Variants in SLC6A11 observed in about 807,000 individuals in gnomAD.
SLC6A11 encodes solute carrier family 6 member 11, also known as sodium- and chloride-dependent GABA transporter 3.
In SLC6A11, 25 loss-of-function variants were observed where a neutral mutation model predicts 74.8. The ratio of observed to expected loss-of-function variants is 0.33; its 90% CI spans 0.24 to 0.47. SLC6A11 has a LOEUF of 0.47. Ranked by LOEUF, SLC6A11 falls within the 20% of genes least tolerant of loss-of-function variation. The probability of loss-of-function intolerance (pLI) is 1.00; values close to 1 mark genes in which losing one functional copy is unlikely to be tolerated. For synonymous variants in SLC6A11, 330 were observed against 330.2 expected, an observed-to-expected ratio of 1.00 and a Z score of 0.01; for missense variants, 574 against 837.0, an observed-to-expected ratio of 0.69 and a Z score of 3.88.
intron 4 of SLC6A11, chr3:10,824,805 G>C (rs1448747960): frequency 6.6e-6 from 1 of 152,214 alleles, no homozygotes; most frequent in Non-Finnish European, 1.5e-5. Context: ...TGAATGTCTA[G>C]TCTGTGCTTC....
At chr3:10,823,210 T>C in intron 3 of SLC6A11, 92 bp from the exon 4 acceptor site, 1 of 866,580 alleles carries the variant, frequency 1.2e-6, no homozygotes, top group Non-Finnish European at 1.9e-6. Flanking sequence ...TAGATGAAAA[T>C]GCCTAGTTGC....
chr3:10,844,701 GGT>G (rs1189192675), intron 5 of SLC6A11, among the ~76,000 whole-genome samples: 1 of 152,208 alleles, frequency 6.6e-6, no homozygotes, highest in Non-Finnish European at 1.5e-5. Context: ...CAGGGTTCTA[GGT>G]GTGTGTGAGG....
In SLC6A11 at chr3:10,912,117, T is replaced by A. The variant is rs1407655973; in HGVS notation, c.919T>A (p.Phe307Ile). ...QVWVDAGTQI[F>I]FSYAICLGCL... ...CTGGGTAGATGCTGGAACGCAGATC[T>A]TTTTCTCCTATGCCATTTGCCTGGG... The change falls in exon 7 of 14, where the codon TTT becomes ATT. Residue 307 changes from phenylalanine to isoleucine, a missense_variant. Phe to Ile is a conservative substitution (Grantham distance 21, BLOSUM62 0). This residue lies in a region of SLC6A11 where 215 missense variants were observed against 357.9 expected (regional missense o/e 0.60). Transcript: ENST00000254488. 6.2e-7 allele frequency: 1 copy of A among 1,613,554 alleles called. No individual in the cohort carries two copies. Among genetic ancestry groups the A allele is most frequent in the African/African-American group, 1.3e-5 (1 of 75,038 alleles).
chr3:10,892,090 A>AAGAG (rs1337111396), intron 6 of SLC6A11, among the ~76,000 whole-genome samples: 1 of 152,246 alleles, frequency 6.6e-6, no homozygotes, highest in Non-Finnish European at 1.5e-5. Context: ...ACAGCTTTGT[A>AAGAG]AGAGAGCAGG....
intron 4 of SLC6A11, among the ~76,000 whole-genome samples, chr3:10,830,450 T>A (rs1383812117): frequency 2.6e-5 from 4 of 152,228 alleles, no homozygotes; most frequent in South Asian, 4.1e-4. Context: ...GGTCTCATTG[T>A]AGGTTCTGGA....
intron 6 of SLC6A11, among the ~76,000 whole-genome samples, chr3:10,905,635 C>T (rs1049480162): frequency 5.9e-5 from 9 of 152,164 alleles, no homozygotes; most frequent in Non-Finnish European, 1.2e-4. Flanking sequence ...CCTTTCTAGA[C>T]TGAGAGGCAA....
intron 6 of SLC6A11, among the ~76,000 whole-genome samples, chr3:10,899,106 A>G (rs1418410527): frequency 2.0e-5 from 3 of 152,178 alleles, no homozygotes; most frequent in African/African-American, 7.2e-5. Flanking sequence ...ATTATCTCCC[A>G]CTGGTCCCTC....
At position 10,873,573 on chromosome 3, in the gene SLC6A11, C is replaced by T. The variant is rs1286369500; in HGVS notation, c.757-1388C>T. Among the ~76,000 whole-genome samples the T allele has an allele frequency of 1.8e-4, 20 of 113,346 alleles. No homozygotes were observed. The South Asian group carries it at 3.0e-3, about 17-fold the overall frequency. The allele number at this position is 113,346 out of a possible 152,430, so 74.4% of individuals were successfully genotyped here. ...TCCTACCCTACCCTACCCTACCCTA[C>T]CCTACCCTACGCTATCCTATCCTAT... On this transcript the variant is annotated intron_variant, in intron 5 of 13. Coordinates refer to ENST00000254488, the MANE Select transcript of SLC6A11 (RefSeq NM_014229.3).
chr3:10,888,857 G>C (rs555680714), intron 6 of SLC6A11, among the ~76,000 whole-genome samples: 2 of 152,296 alleles, frequency 1.3e-5, no homozygotes, highest in African/African-American at 2.4e-5. Flanking sequence ...AGTACCTACT[G>C]TATGCCAGGC....
chr3:10,912,042 C>A, intron 6 of SLC6A11, 48 bp from the exon 7 acceptor site: 1 of 1,276,610 alleles, frequency 7.8e-7, no homozygotes, highest in Non-Finnish European at 1.1e-6. Flanking sequence ...ACCCTCTCAC[C>A]ACACATCTGA....
rs189209434 is a variant in SLC6A11, at chr3:10,872,663, G to C, written c.757-2298G>C. The stretch of plus-strand genomic sequence containing the variant: ...CTTCCAGGACCTAGCTCAGTTCTTA[G>C]TACATGAGAGTGTTTGAGTGAGTGA... On this transcript the variant is annotated intron_variant, in intron 5 of 13. Coordinates refer to ENST00000254488, the MANE Select transcript of SLC6A11 (RefSeq NM_014229.3). Among the ~76,000 whole-genome samples the C allele has an allele frequency of 1.2e-4, 19 of 152,312 alleles. 1 individual carries two copies. The East Asian group carries it at 3.1e-3, about 25-fold the overall frequency.
At position 10,912,127 on chromosome 3, in the gene SLC6A11, A is replaced by G. The variant is rs747871056; in HGVS notation, c.929A>G (p.Tyr310Cys). Residue 310 changes from tyrosine to cysteine, a missense_variant, in exon 7 of 14, where the codon TAT becomes TGT. Coordinates refer to ENST00000254488, the MANE Select transcript of SLC6A11 (RefSeq NM_014229.3). ...GCTGGAACGCAGATCTTTTTCTCCTATGCCATTTGCCTGGGCTGTCTGACC... is the reference window on the plus strand; with the variant it reads ...GCTGGAACGCAGATCTTTTTCTCCTGTGCCATTTGCCTGGGCTGTCTGACC... ...VDAGTQIFFS[Y>C]AICLGCLTAL... 1.9e-6 allele frequency: 3 copies of G among 1,613,902 alleles called. No homozygotes were observed. Among genetic ancestry groups the G allele is most frequent in the South Asian group, 1.1e-5 (1 of 91,070 alleles).
intron 3 of SLC6A11, among the ~76,000 whole-genome samples, chr3:10,822,398 G>A (rs1694150497): frequency 6.6e-6 from 1 of 152,234 alleles, no homozygotes; most frequent in African/African-American, 2.4e-5. Context: ...CCGTGGCAAA[G>A]TAGATGGAGC....
chr3:10,924,406 G>A (rs1337915471), intron 8 of SLC6A11, among the ~76,000 whole-genome samples: 3 of 151,768 alleles, frequency 2.0e-5, no homozygotes, highest in African/African-American at 7.3e-5. Flanking sequence ...AAATCCTAAG[G>A]AACCTACAAA....
At position 10,926,481 on chromosome 3, in the gene SLC6A11, G is replaced by A. The variant is rs1695608631; in HGVS notation, c.1233+365G>A. ...GCACTGCCTGGCACAGCAGAAGAGA[G>A]TCTCAGAGAGTGAGTTCCACAGCAT... is the stretch of plus-strand genomic sequence containing the variant. On this transcript the variant is annotated intron_variant, in intron 9 of 13. Coordinates refer to ENST00000254488, the MANE Select transcript of SLC6A11 (RefSeq NM_014229.3). The surrounding 1 kb of genome is among the most constrained non-coding windows in gnomAD (Gnocchi z 5.7). Among the ~76,000 whole-genome samples, 1 of 152,200 alleles carries A rather than the reference G, an allele frequency of 6.6e-6. No homozygotes were observed. Among genetic ancestry groups the A allele is most frequent in the Non-Finnish European group, 1.5e-5 (1 of 68,036 alleles).
At chr3:10,892,789 A>G (rs960939842) in intron 6 of SLC6A11, among the ~76,000 whole-genome samples, 14 of 152,146 alleles carry the variant, frequency 9.2e-5, no homozygotes, top group Admixed American at 2.0e-4. Context: ...GAAGATTTTT[A>G]TATCATAAAT....
At chr3:10,835,463 C>G (rs1306581179) in intron 4 of SLC6A11, among the ~76,000 whole-genome samples, 2 of 152,214 alleles carry the variant, frequency 1.3e-5, no homozygotes, top group Non-Finnish European at 2.9e-5. Flanking sequence ...TGCCTCCTGA[C>G]CTGCAGGACC....
chr3:10,926,800 A>G lies in SLC6A11; in HGVS notation c.1233+684A>G, dbSNP rs1695614462. On this transcript the variant is annotated intron_variant, in intron 9 of 13. Coordinates refer to ENST00000254488, the MANE Select transcript of SLC6A11 (RefSeq NM_014229.3). The surrounding 1 kb of genome is among the most constrained non-coding windows in gnomAD (Gnocchi z 5.7). ...CGCACTGAGCACACTCCAGACTCCC[A>G]TCCCAGGTCCCCGGCCTCTTTCCCA... Among the ~76,000 whole-genome samples, 1 of 151,966 alleles carries G rather than the reference A, an allele frequency of 6.6e-6. No homozygotes were observed. The highest frequency in any genetic ancestry group is 6.6e-5 in the Admixed American group (1 of 15,262).
At chr3:10,909,452 G>A (rs1695355911) in intron 6 of SLC6A11, among the ~76,000 whole-genome samples, 2 of 152,122 alleles carry the variant, frequency 1.3e-5, no homozygotes, top group Admixed American at 6.5e-5. Context: ...TTTCTTTGGT[G>A]TTTTCTAACT....
Sources: allele counts gnomAD v4.1 joint callset (sites outside exome capture counted in the v4.1 genomes callset), GRCh38; gene constraint gnomAD v4.1.1; regional missense constraint gnomAD v4.1.1; non-coding constraint Gnocchi (gnomAD v3.1); transcripts MANE v1.5; gene names NCBI Gene and HGNC (gene_info 2026-07-23, HGNC 2026-07-21).